The following SNRPN variants were observed in gnomAD, a reference collection of about 807,000 sequenced individuals.
SNRPN encodes small nuclear ribonucleoprotein polypeptide N.
A neutral mutation model predicts 25.2 loss-of-function variants in SNRPN; 7 were observed. The ratio of observed to expected loss-of-function variants is 0.28; its 90% CI spans 0.16 to 0.52. The LOEUF is 0.52. Ranked by LOEUF, SNRPN falls within the 20% of genes least tolerant of loss-of-function variation. The pLI is 0.96. For missense variants in SNRPN, 196 were observed against 322.5 expected, an observed-to-expected ratio of 0.61 and a Z score of 3.00; for synonymous variants, 124 against 110.6, an observed-to-expected ratio of 1.12 and a Z score of -0.76.
intron 2 of SNRPN, chr15:24,909,429 C>T: frequency 6.3e-7 from 1 of 1,592,916 alleles, no homozygotes; most frequent in Non-Finnish European, 8.5e-7. Context: ...ATGCTTTCCA[C>T]AATGTATTCA....
chr15:24,948,583 A>G (rs1167818344), intron 3 of SNRPN, among the ~76,000 whole-genome samples: 1 of 151,942 alleles, frequency 6.6e-6, no homozygotes, highest in Non-Finnish European at 1.5e-5. Context: ...TTTCTAAAAT[A>G]CCCTTTTTCT....
chr15:24,955,814 TGGCGGCGGTAGGCATGGC>T (rs1838045764), intron 1 of SNRPN, among the ~76,000 whole-genome samples: 1 of 149,078 alleles, frequency 6.7e-6, no homozygotes, highest in African/African-American at 2.5e-5. Flanking sequence ...TGGTGGACTT[TGGCGGCGGTAGGCATGGC>T]GGCGGTGGGC....
At chr15:24,937,204 C>G (rs1173583324) in intron 3 of SNRPN, among the ~76,000 whole-genome samples, 1 of 152,024 alleles carries the variant, frequency 6.6e-6, no homozygotes, top group African/African-American at 2.4e-5. Context: ...TCATGCCACA[C>G]CACTCCAGCC....
intron 2 of SNRPN, among the ~76,000 whole-genome samples, chr15:24,897,146 A>G (rs1566885213): frequency 6.6e-6 from 1 of 152,020 alleles, no homozygotes; most frequent in African/African-American, 2.4e-5. Flanking sequence ...GCCAGACTCT[A>G]TCTAAAATAA....
Position 24,977,693 on chromosome 15 carries a change from T to C in SNRPN, c.421-85T>C. 5 of 1,286,070 alleles carry C rather than the reference T, an allele frequency of 3.9e-6. No homozygotes were observed. In the South Asian group the frequency reaches 4.8e-5, roughly 12 times the overall value. The allele number at this position is 1,286,070 out of a possible 1,614,324, so 79.7% of individuals were successfully genotyped here. On this transcript the variant is annotated intron_variant, in intron 7 of 9. Coordinates refer to ENST00000390687, the MANE Select transcript of SNRPN (RefSeq NM_003097.6). ...CATTGCAACAGTTGTTTGTAACTAA[T>C]TGGTCATTTTTCTCATTTATTTTCT...
At chr15:24,917,346 A>G (rs1298425937) in intron 2 of SNRPN, among the ~76,000 whole-genome samples, 2 of 152,092 alleles carry the variant, frequency 1.3e-5, no homozygotes, top group Admixed American at 6.6e-5. Context: ...TTTTAAATGG[A>G]TGTATGTTTT....
At chr15:24,896,440 G>A (rs2058083863) in intron 2 of SNRPN, among the ~76,000 whole-genome samples, 2 of 152,190 alleles carry the variant, frequency 1.3e-5, no homozygotes, top group African/African-American at 4.8e-5. Context: ...AATAGCCTAT[G>A]TAGACCTCCC....
chr15:24,908,725 A>C (rs1208287283), intron 2 of SNRPN, among the ~76,000 whole-genome samples: 6 of 152,200 alleles, frequency 3.9e-5, no homozygotes, highest in Non-Finnish European at 8.8e-5. Flanking sequence ...ATACATTTTA[A>C]GCTCCCATGC....
At chr15:24,831,631 C>G (rs951630220) in intron 2 of SNRPN, among the ~76,000 whole-genome samples, 10 of 151,920 alleles carry the variant, frequency 6.6e-5, no homozygotes, top group African/African-American at 2.4e-4. Context: ...CATCCTCATC[C>G]CCTACCACCC....
chr15:24,913,677 C>A (rs550124364), intron 2 of SNRPN, among the ~76,000 whole-genome samples: 2 of 151,852 alleles, frequency 1.3e-5, no homozygotes, highest in East Asian at 3.9e-4. Context: ...ACAAAAAAAA[C>A]AAAGAAAAAG....
rs552294011 is a variant in SNRPN, at chr15:24,861,321, G to A, written c.-579+4605G>A. Among the ~76,000 whole-genome samples the A allele has an allele frequency of 5.3e-5, 8 of 152,292 alleles. No individual in the cohort carries two copies. In the South Asian group the frequency reaches 1.7e-3, roughly 32 times the overall value. On this transcript the variant is annotated intron_variant, in intron 1 of 11. Transcript: ENST00000400097. The stretch of plus-strand genomic sequence containing the variant: ...TCCCAAGCTATAAGCCTATAAGCAT[G>A]TGACTGTCCTGAATACTATAAGCAA...
chr15:24,837,580 A>G (rs2051317950), intron 2 of SNRPN, among the ~76,000 whole-genome samples: 1 of 151,714 alleles, frequency 6.6e-6, no homozygotes, highest in South Asian at 2.1e-4. Context: ...CGTGTTAGCT[A>G]GGATGGTCTC....
chr15:24,877,101 A>G (rs530573620), intron 1 of SNRPN, among the ~76,000 whole-genome samples: 1 of 152,320 alleles, frequency 6.6e-6, no homozygotes, highest in East Asian at 1.9e-4. Flanking sequence ...CAGATTCTGT[A>G]CAGACAAAGG....
chr15:24,912,283 G>T (rs4433792), intron 2 of SNRPN: 21,834 of 152,006 alleles, frequency 0.14, 1,780 homozygotes, highest in African/African-American at 0.2. Flanking sequence ...GCTTATTTCT[G>T]ACTTTTATAA....
chr15:24,913,246 A>T (rs1179812928), intron 2 of SNRPN, among the ~76,000 whole-genome samples: 1 of 152,176 alleles, frequency 6.6e-6, no homozygotes, highest in Non-Finnish European at 1.5e-5. Flanking sequence ...GGCCAATATC[A>T]GGTATTTCTA....
At chr15:24,849,763 C>T (rs1269638614) in intron 2 of SNRPN, 1 of 152,158 alleles carries the variant, frequency 6.6e-6, no homozygotes, top group East Asian at 1.9e-4. Context: ...GAGGGCCATC[C>T]ACTGAAAGTT....
intron 3 of SNRPN, among the ~76,000 whole-genome samples, chr15:24,927,475 AATTTTTTTTTTTTTTTTTTTTTT>A (rs1229338853): frequency 0.02 from 2,235 of 113,356 alleles, 188 homozygotes; most frequent in African/African-American, 0.071. Context: ...AAAGTTTTTA[AATTTTTTTTTTTTTTTTTTTTTT>A]TTTTTTTTTT....
intron 1 of SNRPN, among the ~76,000 whole-genome samples, chr15:24,864,352 T>C (rs1266041194): frequency 2.0e-5 from 3 of 149,770 alleles, no homozygotes; most frequent in Non-Finnish European, 4.4e-5. Flanking sequence ...TTTTTTTTTT[T>C]TTTTTTTTTT....
intron 4 of SNRPN, chr15:24,974,953 C>G: frequency 1.4e-6 from 1 of 702,918 alleles, no homozygotes; most frequent in Non-Finnish European, 2.6e-6. Context: ...ATGATGGACT[C>G]TCAGGTCAGA....
Sources: allele counts gnomAD v4.1 joint callset (sites outside exome capture counted in the v4.1 genomes callset), GRCh38; gene constraint gnomAD v4.1.1; transcripts MANE v1.5; gene names NCBI Gene and HGNC (gene_info 2026-07-23, HGNC 2026-07-21).